PTPN22: variants seen among roughly 807,000 people sequenced by gnomAD.
PTPN22 encodes the protein protein tyrosine phosphatase non-receptor type 22, also known as tyrosine-protein phosphatase non-receptor type 22.
PTPN22 carries 85 observed loss-of-function variants against 103.3 expected under a neutral mutation model. The observed-to-expected ratio is 0.82, with a 90% CI of 0.69 to 0.99. The LOEUF (loss-of-function observed/expected upper bound fraction) is 0.99. Ranked by LOEUF, PTPN22 falls within the 50% of genes least tolerant of loss-of-function variation. The probability of loss-of-function intolerance (pLI) is 0.00; values close to 1 mark genes in which losing one functional copy is unlikely to be tolerated. For missense variants in PTPN22, 865 were observed against 936.9 expected (o/e 0.92, Z 1.00); for synonymous variants, 323 against 310.2 (o/e 1.04, Z -0.43).
chr1:113,854,827 T>C, intron 8 of PTPN22, 80 bp downstream of exon 8: 2 of 1,465,096 alleles, frequency 1.4e-6, no homozygotes, highest in Non-Finnish European at 1.9e-6. Context: ...ATTAACCTTT[T>C]CCCCTTTCAA....
chr1:113,847,957 A>C (rs181522535), intron 11 of PTPN22, among the ~76,000 whole-genome samples: 25 of 151,434 alleles, frequency 1.7e-4, no homozygotes, highest in African/African-American at 5.8e-4. Context: ...CTGCTCTCAA[A>C]CTCCTAGGCT....
chr1:113,830,480 T>TA (rs1332413853), intron 16 of PTPN22, among the ~76,000 whole-genome samples: 1 of 151,954 alleles, frequency 6.6e-6, no homozygotes, highest in Non-Finnish European at 1.5e-5. Context: ...AAGAAAATAT[T>TA]AAAAAAAGAA....
intron 7 of PTPN22, among the ~76,000 whole-genome samples, chr1:113,855,313 G>A (rs1664950301): frequency 6.6e-6 from 1 of 151,940 alleles, no homozygotes; most frequent in Admixed American, 6.6e-5. Flanking sequence ...TGGCCAACAT[G>A]GGGAAACCCT....
At chr1:113,851,712 T>C (rs1029503221) in intron 10 of PTPN22, among the ~76,000 whole-genome samples, 4 of 152,232 alleles carry the variant, frequency 2.6e-5, no homozygotes, top group African/African-American at 9.6e-5. Flanking sequence ...ATGACCTAGC[T>C]ATTTCAAGTC....
At chr1:113,868,820 T>C (rs1666330463) in intron 1 of PTPN22, among the ~76,000 whole-genome samples, 1 of 152,142 alleles carries the variant, frequency 6.6e-6, no homozygotes, top group Non-Finnish European at 1.5e-5. Flanking sequence ...CTGCTAATGG[T>C]TGCTTTATAA....
intron 16 of PTPN22, 93 bp from the exon 17 acceptor site, chr1:113,830,122 A>G (rs1662430570): frequency 2.2e-6 from 2 of 906,562 alleles, no homozygotes; most frequent in Middle Eastern, 2.3e-4. Flanking sequence ...TTTTTAATCA[A>G]TCAATCTTAG....
At chr1:113,848,506 AT>A (rs765923829) in intron 11 of PTPN22, 33 bp downstream of exon 11, 10 of 1,608,324 alleles carry the variant, frequency 6.2e-6, no homozygotes, top group Admixed American at 1.7e-5. Context: ...AAGTATGAAA[AT>A]TTTTTTGACA....
At chr1:113,854,804 G>A (rs528424588) in intron 8 of PTPN22, 103 bp downstream of exon 8, 48 of 1,370,670 alleles carry the variant, frequency 3.5e-5, no homozygotes, top group East Asian at 3.5e-4. Flanking sequence ...ATTTATTATC[G>A]TTTGTTTTTG....
intron 18 of PTPN22, among the ~76,000 whole-genome samples, chr1:113,826,913 C>T (rs1273310906): frequency 2.0e-5 from 3 of 151,912 alleles, no homozygotes; most frequent in Non-Finnish European, 1.5e-5. Flanking sequence ...TCGTGATCCG[C>T]CCGCCTCGGC....
chr1:113,853,194 T>A (rs1664715664), intron 9 of PTPN22, among the ~76,000 whole-genome samples: 1 of 151,900 alleles, frequency 6.6e-6, no homozygotes, highest in African/African-American at 2.4e-5. Flanking sequence ...CACCTCAGCC[T>A]CCCAAAGTGC....
intron 13 of PTPN22, 106 bp downstream of exon 13, chr1:113,837,484 G>C: frequency 1.3e-6 from 1 of 769,582 alleles, no homozygotes; most frequent in East Asian, 2.9e-5. Flanking sequence ...AAAAAAGAAA[G>C]AAAGAGAAGA....
At chr1:113,821,482 T>A (rs1237682) in intron 19 of PTPN22, among the ~76,000 whole-genome samples, 3 of 151,938 alleles carry the variant, frequency 2.0e-5, no homozygotes, top group African/African-American at 7.3e-5. Context: ...CCAACACGCC[T>A]GGGTAAATTT....
At chr1:113,836,380 A>G (rs1419979980) in intron 13 of PTPN22, among the ~76,000 whole-genome samples, 2 of 152,248 alleles carry the variant, frequency 1.3e-5, no homozygotes, top group African/African-American at 4.8e-5. Flanking sequence ...TATAAAAGAG[A>G]CAAAACATGA....
At chr1:113,828,677 C>G (rs1662291034) in intron 18 of PTPN22, among the ~76,000 whole-genome samples, 1 of 152,178 alleles carries the variant, frequency 6.6e-6, no homozygotes, top group African/African-American at 2.4e-5. Context: ...ACGTCTCACT[C>G]TGTCACCCAG....
At chr1:113,841,511 G>A (rs1337532358) in intron 11 of PTPN22, among the ~76,000 whole-genome samples, 7 of 151,846 alleles carry the variant, frequency 4.6e-5, no homozygotes, top group African/African-American at 1.7e-4. Context: ...AATGGAAGAC[G>A]GTATTTGCAA....
chr1:113,851,941 CA>C, intron 10 of PTPN22, 85 bp downstream of exon 10: 1 of 918,702 alleles, frequency 1.1e-6, no homozygotes, highest in East Asian at 2.6e-5. Context: ...TATATCTGAG[CA>C]GTCAGCTGTT....
rs1361976254 is a variant in PTPN22, at chr1:113,854,539, T to C, written c.684-2A>G. On this transcript the variant is annotated splice_acceptor_variant, in intron 8 of 20. Coordinates refer to ENST00000359785, the Ensembl canonical transcript of PTPN22. LOFTEE classifies it high-confidence loss of function. ...ACACCAGTCCTTCCACAGCCAGCAC[T>C]GAAATGAAAGATCACAGTAGCATGT... 2.5e-6 allele frequency: 4 copies of C among 1,612,514 alleles called. No homozygotes were observed.
intron 13 of PTPN22, among the ~76,000 whole-genome samples, chr1:113,837,033 A>G (rs1663078575): frequency 6.6e-6 from 1 of 152,166 alleles, no homozygotes; most frequent in Non-Finnish European, 1.5e-5. Flanking sequence ...CCTGTACCAG[A>G]TCTTGATTGC....
chr1:113,837,832 A>C, exon 13 of PTPN22: 1 of 1,613,806 alleles, frequency 6.2e-7, no homozygotes, highest in Non-Finnish European at 8.5e-7. Context: ...ATATACACCA[A>C]GAGCACTAGA....
Sources: allele counts gnomAD v4.1 joint callset (sites outside exome capture counted in the v4.1 genomes callset), GRCh38; gene constraint gnomAD v4.1.1; transcripts MANE v1.5; gene names NCBI Gene and HGNC (gene_info 2026-07-23, HGNC 2026-07-21).